The following ANKFN1 variants were observed in gnomAD, a reference collection of about 807,000 sequenced individuals.
ANKFN1 encodes the protein ankyrin repeat and fibronectin type III domain containing 1, also known as ankyrin repeat and fibronectin type-III domain-containing protein 1.
ANKFN1 carries 74 observed loss-of-function variants against 108.7 expected under a neutral mutation model. The ratio of observed to expected loss-of-function variants is 0.68; its 90% confidence interval spans 0.56 to 0.83. The LOEUF (loss-of-function observed/expected upper bound fraction) is 0.83, where lower values mean the gene tolerates loss of function less well. ANKFN1 is among the 40% of genes least tolerant of loss of function. The pLI, the probability that ANKFN1 is intolerant of heterozygous loss-of-function variation, is 0.00. For missense variants in ANKFN1, 1,505 were observed against 1,382.3 expected (o/e 1.09, Z -1.41); for synonymous variants, 547 against 516.2 (o/e 1.06, Z -0.81).
At chr17:56,465,619 C>T (rs977420764) in intron 14 of ANKFN1, among the ~76,000 whole-genome samples, 3 of 152,172 alleles carry the variant, frequency 2.0e-5, no homozygotes, top group African/African-American at 4.8e-5. Flanking sequence ...AGTGTTCTAG[C>T]TTAGAAATCT....
chr17:56,284,725 C>CA (rs1394886166), intron 3 of ANKFN1, among the ~76,000 whole-genome samples: 1 of 152,148 alleles, frequency 6.6e-6, no homozygotes, highest in Non-Finnish European at 1.5e-5. Flanking sequence ...GTCCACTCCA[C>CA]AAAAGAGGTG....
At chr17:56,477,462 T>C (rs1364453272) in intron 15 of ANKFN1, 26 bp from the exon 16 acceptor site, 1 of 231,154 alleles carries the variant, frequency 4.3e-6, no homozygotes, top group Non-Finnish European at 7.3e-6. Flanking sequence ...CTTGTTTTCT[T>C]TTTTTTTTTT....
chr17:56,499,574 G>A (rs114867097), intron 20 of ANKFN1, among the ~76,000 whole-genome samples: 1,771 of 152,284 alleles, frequency 0.012, 36 homozygotes, highest in African/African-American at 0.041. Flanking sequence ...ATAGCACAAT[G>A]TTCTAGAGTG....
rs1432548758 is a variant in ANKFN1 at position 56,094,811 on chromosome 17, C to T, written c.288+48486C>T. Among the ~76,000 whole-genome samples the T allele has an allele frequency of 8.0e-5, 12 of 150,468 alleles. 1 individual carries two copies. Among genetic ancestry groups the T allele is most frequent in the South Asian group, 4.2e-4 (2 of 4,772 alleles). ...TCGGGATTACAGGCATGAGCCATAG[C>T]GCCCAGCCTGTTTCTTCTATTAAAT... is the stretch of plus-strand genomic sequence containing the variant. On this transcript the variant is annotated intron_variant, in intron 4 of 12. Coordinates refer to the ANKFN1 transcript ENST00000635860.
chr17:56,427,243 G>C (rs771428290), intron 8 of ANKFN1, among the ~76,000 whole-genome samples: 4 of 152,238 alleles, frequency 2.6e-5, no homozygotes, highest in Non-Finnish European at 5.9e-5. Flanking sequence ...TCAGAAGAGA[G>C]AGAAACAGGT....
chr17:56,187,185 A>G (rs1912299581), intron 1 of ANKFN1, among the ~76,000 whole-genome samples: 1 of 152,254 alleles, frequency 6.6e-6, no homozygotes, highest in African/African-American at 2.4e-5. Context: ...CAATCTACCT[A>G]TCTGACAAAG....
At chr17:56,167,262 T>TACAC (rs766324352) in intron 1 of ANKFN1, among the ~76,000 whole-genome samples, 55 of 56,704 alleles carry the variant, frequency 9.7e-4, no homozygotes, top group Non-Finnish European at 8.7e-4. Context: ...TATGTGTGTG[T>TACAC]ATATATATAT....
chr17:56,387,962 A>T (rs2144856807), intron 8 of ANKFN1, among the ~76,000 whole-genome samples: 1 of 152,204 alleles, frequency 6.6e-6, no homozygotes, highest in East Asian at 1.9e-4. Flanking sequence ...AAAGTGATAT[A>T]GGGGACTTTT....
At position 56,350,942 on chromosome 17, in the gene ANKFN1, G is replaced by A. The variant is rs150654625; in HGVS notation, c.365G>A (p.Arg122Gln). The change falls in exon 5 of 21, where the codon CGG (arginine) becomes CAG (glutamine). Residue 122 changes from arginine (R) to glutamine (Q), a missense_variant. Transcript: ENST00000682825. ...GCCTATTTTAGGACAAGAACTGATC[G>A]GCTGAGTCTCAGGAAGACCTCGGTG... ...DEAYFRTRTD[R>Q]LSLRKTSVNF... is the part of the protein sequence containing the mutation. 35 of 1,613,502 alleles carry A rather than the reference G, an allele frequency of 2.2e-5. No individual in the cohort carries two copies. The East Asian group carries it at 4.9e-4, about 23-fold the overall frequency.
intron 1 of ANKFN1, among the ~76,000 whole-genome samples, chr17:56,191,882 G>A (rs1912967234): frequency 1.3e-5 from 2 of 150,060 alleles, no homozygotes; most frequent in South Asian, 2.2e-4. Flanking sequence ...TTTTCACATA[G>A]TCCCATATTT....
At chr17:56,295,517 G>C (rs1368610054) in intron 3 of ANKFN1, among the ~76,000 whole-genome samples, 1 of 152,070 alleles carries the variant, frequency 6.6e-6, no homozygotes, top group Non-Finnish European at 1.5e-5. Context: ...AATCCCTCCA[G>C]ATGATTCCAA....
At chr17:56,170,772 TTTTA>T (rs1284545113) in intron 1 of ANKFN1, among the ~76,000 whole-genome samples, 5 of 54,216 alleles carry the variant, frequency 9.2e-5, no homozygotes, top group Non-Finnish European at 1.5e-4. Flanking sequence ...AGAAAAAATT[TTTTA>T]TATATATATA....
chr17:56,139,303 A>G (rs1041639513), intron 4 of ANKFN1, among the ~76,000 whole-genome samples: 1 of 152,166 alleles, frequency 6.6e-6, no homozygotes, highest in Non-Finnish European at 1.5e-5. Context: ...AAAATTTACT[A>G]TACTGATAAA....
chr17:56,466,803 A>G (rs764388836), intron 15 of ANKFN1, among the ~76,000 whole-genome samples: 1 of 152,218 alleles, frequency 6.6e-6, no homozygotes, highest in African/African-American at 2.4e-5. Flanking sequence ...GCCCTGGCCA[A>G]TGAGCCAGTA....
chr17:56,369,722 G>C (rs2046759602), intron 6 of ANKFN1, among the ~76,000 whole-genome samples: 1 of 152,084 alleles, frequency 6.6e-6, no homozygotes, highest in Admixed American at 6.5e-5. Context: ...TCTTTCAAAA[G>C]AGGGTGTTTT....
chr17:56,310,715 G>A (rs531157055), intron 3 of ANKFN1, among the ~76,000 whole-genome samples: 43 of 151,994 alleles, frequency 2.8e-4, no homozygotes, highest in African/African-American at 9.4e-4. Context: ...TCACTAGCAA[G>A]CTAATTAACA....
intron 1 of ANKFN1, among the ~76,000 whole-genome samples, chr17:56,203,851 CG>C (rs1914271102): frequency 6.6e-6 from 1 of 151,918 alleles, no homozygotes; most frequent in Admixed American, 6.6e-5. Context: ...TAATCTAGCC[CG>C]GGGCATCTAT....
In ANKFN1 at chr17:56,330,122, G is replaced by A. The variant is rs565564098; in HGVS notation, c.188+3767G>A. On this transcript the variant is annotated intron_variant, in intron 4 of 20. Coordinates refer to ENST00000682825, the MANE Select transcript of ANKFN1 (RefSeq NM_001370326.1). Reference sequence around the variant, plus strand: ...GGCTCATAGAAAGTGTTATAGAAGTGTATTAGTCTGTTCTCACACTGCTAC... The same window carrying A: ...GGCTCATAGAAAGTGTTATAGAAGTATATTAGTCTGTTCTCACACTGCTAC... 1.4e-4 allele frequency among the ~76,000 whole-genome samples: 21 copies of A among 152,296 alleles called. No individual in the cohort carries two copies. In the East Asian group the frequency reaches 2.5e-3, roughly 18 times the overall value.
At chr17:56,399,408 C>G (rs903603981) in intron 8 of ANKFN1, among the ~76,000 whole-genome samples, 6 of 151,808 alleles carry the variant, frequency 4.0e-5, no homozygotes, top group Admixed American at 2.6e-4. Flanking sequence ...GACAAATATT[C>G]ATAACAATGG....
Sources: gnomAD v4.1 joint callset for allele counts (sites outside exome capture counted in the v4.1 genomes callset) on GRCh38, gnomAD v4.1.1 for gene constraint, MANE v1.5 for transcripts, NCBI Gene and HGNC (gene_info 2026-07-23, HGNC 2026-07-21) for gene names.